The following PRDM5 variants were observed in gnomAD, a reference collection of about 807,000 sequenced individuals.
PRDM5 encodes the protein PR/SET domain 5.
Under a neutral mutation model 81.2 loss-of-function variants are expected in PRDM5, and 56 were observed. That is an observed-to-expected ratio of 0.69 (90% CI 0.56 to 0.86). PRDM5 has a LOEUF of 0.86. Ranked by LOEUF, PRDM5 falls within the 40% of genes least tolerant of loss-of-function variation. The probability of loss-of-function intolerance (pLI) is 0.00; values close to 1 mark genes in which losing one functional copy is unlikely to be tolerated. For missense variants in PRDM5, 697 were observed against 770.1 expected (o/e 0.91, Z 1.12); for synonymous variants, 267 against 256.4 (o/e 1.04, Z -0.39).
At chr4:120,905,166 G>A (rs958362565) in intron 2 of PRDM5, among the ~76,000 whole-genome samples, 1 of 152,170 alleles carries the variant, frequency 6.6e-6, no homozygotes, top group Non-Finnish European at 1.5e-5. Flanking sequence ...TTAAATTATA[G>A]TGAGGACTAT....
At chr4:120,865,049 T>C (rs975087913) in intron 2 of PRDM5, among the ~76,000 whole-genome samples, 1 of 152,154 alleles carries the variant, frequency 6.6e-6, no homozygotes, top group African/African-American at 2.4e-5. Context: ...AACACAAATA[T>C]TGCAGCAGAA....
intron 13 of PRDM5, among the ~76,000 whole-genome samples, chr4:120,759,154 A>C (rs1438168918): frequency 6.6e-6 from 1 of 152,168 alleles, no homozygotes; most frequent in African/African-American, 2.4e-5. Context: ...CCTCTAGTCT[A>C]GATGATTGGT....
At chr4:120,861,455 T>A (rs890976504) in intron 2 of PRDM5, among the ~76,000 whole-genome samples, 8 of 152,146 alleles carry the variant, frequency 5.3e-5, no homozygotes, top group Non-Finnish European at 1.0e-4. Context: ...CATAAAGCAA[T>A]GGCAATATCC....
chr4:120,754,774 C>T (rs375765344), intron 13 of PRDM5, 136 bp from the exon 14 acceptor site: 16 of 707,558 alleles, frequency 2.3e-5, no homozygotes, highest in African/African-American at 1.9e-4. Context: ...CCAGGCACAG[C>T]AGGGCAGATC....
rs568077324 is a variant in PRDM5 at position 120,915,540 on chromosome 4, C to T, written c.93+6976G>A. Among the ~76,000 whole-genome samples the T allele has an allele frequency of 9.8e-5, 15 of 152,298 alleles. No homozygotes were observed. In the East Asian group the frequency reaches 2.9e-3, roughly 29 times the overall value. On this transcript the variant is annotated intron_variant, in intron 1 of 15. Coordinates refer to ENST00000264808, the MANE Select transcript of PRDM5 (RefSeq NM_018699.4). ...AGCAGCTGCTGCAAGAATGGCATGACAGTGTACACCTCCTGTCCTGACCTT... is the reference window on the plus strand; with the variant it reads ...AGCAGCTGCTGCAAGAATGGCATGATAGTGTACACCTCCTGTCCTGACCTT...
chr4:120,887,993 C>G lies in PRDM5; in HGVS notation c.177+19481G>C. Among the ~76,000 whole-genome samples the G allele has an allele frequency of 3.2e-5, 2 of 61,924 alleles. 1 individual carries two copies. Among genetic ancestry groups the G allele is most frequent in the Non-Finnish European group, 5.8e-5 (2 of 34,746 alleles). The allele number at this position is 61,924 out of a possible 152,430, so 40.6% of individuals were successfully genotyped here. On this transcript the variant is annotated intron_variant, in intron 2 of 15. Coordinates refer to ENST00000264808, the MANE Select transcript of PRDM5 (RefSeq NM_018699.4). Reference sequence around the variant, plus strand: ...ATTTTTAGTAGAGACGGGGTTTCACCGTTTTAGCCGGGATGGTCTCGATCT... The same window carrying G: ...ATTTTTAGTAGAGACGGGGTTTCACGGTTTTAGCCGGGATGGTCTCGATCT...
intron 2 of PRDM5, among the ~76,000 whole-genome samples, chr4:120,871,777 AAAAG>A (rs1374655552): frequency 6.6e-6 from 1 of 151,946 alleles, no homozygotes; most frequent in Admixed American, 6.6e-5. Context: ...AAAAAAAAAA[AAAAG>A]AAAGAATTGG....
intron 10 of PRDM5, among the ~76,000 whole-genome samples, chr4:120,796,701 CA>C (rs1293639702): frequency 6.6e-6 from 1 of 152,126 alleles, no homozygotes; most frequent in Non-Finnish European, 1.5e-5. Context: ...ACACTATAAT[CA>C]ACACTGTTTA....
intron 1 of PRDM5, among the ~76,000 whole-genome samples, chr4:120,916,626 T>C (rs1249118809): frequency 1.3e-5 from 2 of 152,170 alleles, no homozygotes; most frequent in African/African-American, 4.8e-5. Context: ...CACTGACACT[T>C]TGACATATCC....
intron 3 of PRDM5, among the ~76,000 whole-genome samples, chr4:120,821,847 A>C (rs1755322537): frequency 6.6e-6 from 1 of 152,150 alleles, no homozygotes; most frequent in Non-Finnish European, 1.5e-5. Context: ...AATAGAAAAA[A>C]TACTAGACAT....
chr4:120,829,242 T>C (rs1470211109), intron 3 of PRDM5, among the ~76,000 whole-genome samples: 2 of 152,130 alleles, frequency 1.3e-5, no homozygotes, highest in African/African-American at 4.8e-5. Flanking sequence ...TGACTACTTC[T>C]GTACTGTGGT....
intron 1 of PRDM5, among the ~76,000 whole-genome samples, chr4:120,912,914 A>G (rs1040396002): frequency 3.3e-5 from 5 of 152,230 alleles, no homozygotes; most frequent in African/African-American, 7.2e-5. Flanking sequence ...TTATGTTTCA[A>G]TGTTAAACTA....
chr4:120,806,059 A>C (rs10026047), intron 8 of PRDM5, among the ~76,000 whole-genome samples: 43,655 of 151,880 alleles, frequency 0.29, 6,482 homozygotes, highest in East Asian at 0.37. Flanking sequence ...CAATAACAGA[A>C]AAACAGAGAG....
intron 2 of PRDM5, among the ~76,000 whole-genome samples, chr4:120,873,175 T>C (rs1454684744): frequency 6.6e-6 from 1 of 152,118 alleles, no homozygotes; most frequent in Non-Finnish European, 1.5e-5. Flanking sequence ...CTAATTTTTG[T>C]ATTTTTTTGG....
intron 10 of PRDM5, among the ~76,000 whole-genome samples, chr4:120,785,862 G>T (rs2149251182): frequency 6.6e-6 from 1 of 151,882 alleles, no homozygotes; most frequent in Non-Finnish European, 1.5e-5. Context: ...TGACAAACAA[G>T]AAACAATGAA....
rs139950597 is a variant in PRDM5 at position 120,768,641 on chromosome 4, T to A, written c.1537+8547A>T. The stretch of plus-strand genomic sequence containing the variant: ...AAAAGACTATAATGTACTACATAAT[T>A]GTTTGTAATTATTCCAGCTCCAATA... On this transcript the variant is annotated intron_variant, in intron 13 of 15. Transcript: ENST00000264808. Among the ~76,000 whole-genome samples, 4 of 152,334 alleles carry A rather than the reference T, an allele frequency of 2.6e-5. No homozygotes were observed. In the East Asian group the frequency reaches 7.7e-4, roughly 29 times the overall value.
Position 120,811,394 on chromosome 4 carries a change from T to C in PRDM5, c.921A>G (p.Ala307=), listed in dbSNP as rs190061397. ...CSVCNKKCSS[A]SSLQEHRKIH... is the part of the protein sequence containing the mutation. ...CCTTTCTATGTTCCTGTAGGCTTGA[T>C]GCTGAAGAACACTTTTTATTGCACA... The change falls in exon 8 of 16, where the codon GCA becomes GCG. Residue 307 remains alanine, a synonymous_variant. Coordinates refer to ENST00000264808, the MANE Select transcript of PRDM5 (RefSeq NM_018699.4). The C allele has an allele frequency of 1.9e-5, 30 of 1,602,244 alleles. No homozygotes were observed. The highest frequency in any genetic ancestry group is 1.7e-4 in the Middle Eastern group (1 of 6,012).
At chr4:120,868,568 G>A (rs1234707897) in intron 2 of PRDM5, among the ~76,000 whole-genome samples, 2 of 152,144 alleles carry the variant, frequency 1.3e-5, no homozygotes, top group Non-Finnish European at 2.9e-5. Context: ...CCTCCAGAGA[G>A]ATGATACAAA....
downstream of PRDM5, among the ~76,000 whole-genome samples, chr4:120,690,773 TAC>T (rs1479196529): frequency 6.6e-6 from 1 of 152,178 alleles, no homozygotes; most frequent in Non-Finnish European, 1.5e-5. Context: ...CTAGTAGGTC[TAC>T]AGTTTCCCTT....
Sources: gnomAD v4.1 joint callset for allele counts (sites outside exome capture counted in the v4.1 genomes callset) on GRCh38, gnomAD v4.1.1 for gene constraint, MANE v1.5 for transcripts, NCBI Gene and HGNC (gene_info 2026-07-23, HGNC 2026-07-21) for gene names.